POU2F1: variants seen among roughly 807,000 people sequenced by gnomAD.
The protein encoded by POU2F1 is POU domain, class 2, transcription factor 1.
Under a neutral mutation model 84.9 loss-of-function variants are expected in POU2F1, and 16 were observed. The observed-to-expected ratio is 0.19, with a 90% confidence interval of 0.13 to 0.29. The LOEUF is 0.29. POU2F1 is among the 10% of genes least tolerant of loss of function. The pLI is 1.00. For missense variants in POU2F1, 738 were observed against 942.6 expected, an observed-to-expected ratio of 0.78 and a Z score of 2.84; for synonymous variants, 368 against 368.3, an observed-to-expected ratio of 1.00 and a Z score of 0.01.
chr1:167,270,977 T>C (rs951219176), intron 1 of POU2F1, among the ~76,000 whole-genome samples: 1 of 152,232 alleles, frequency 6.6e-6, no homozygotes, highest in African/African-American at 2.4e-5. Flanking sequence ...CTTTATGAAA[T>C]GAATTATTTC....
In POU2F1 at chr1:167,221,158, G is replaced by A. The variant is rs1023104493; in HGVS notation, c.61+200G>A. Among the ~76,000 whole-genome samples the A allele has an allele frequency of 8.6e-5, 13 of 151,658 alleles. No homozygotes were observed. In the East Asian group the frequency reaches 2.6e-3, roughly 30 times the overall value. Reference sequence around the variant, plus strand: ...GGCTCGGAGCGGCCAGGCGGAGGGGGAAGACAAGGGGCAAAGGGGGCTGCG... The same window carrying A: ...GGCTCGGAGCGGCCAGGCGGAGGGGAAAGACAAGGGGCAAAGGGGGCTGCG... On this transcript the variant is annotated intron_variant, in intron 1 of 15. Coordinates refer to ENST00000367866, the MANE Select transcript of POU2F1 (RefSeq NM_002697.4).
intron 1 of POU2F1, among the ~76,000 whole-genome samples, chr1:167,247,546 A>G (rs1406977786): frequency 6.6e-6 from 1 of 152,074 alleles, no homozygotes; most frequent in Non-Finnish European, 1.5e-5. Flanking sequence ...CTTGAGTTTC[A>G]GTTTTGAGCT....
At chr1:167,266,066 C>T (rs1651930385) in intron 1 of POU2F1, among the ~76,000 whole-genome samples, 1 of 152,228 alleles carries the variant, frequency 6.6e-6, no homozygotes, top group Non-Finnish European at 1.5e-5. Context: ...CACAGAAATC[C>T]AGTTGAAAGC....
chr1:167,369,306 G>A (rs1262147650), intron 3 of POU2F1, among the ~76,000 whole-genome samples: 1 of 152,076 alleles, frequency 6.6e-6, no homozygotes, highest in Non-Finnish European at 1.5e-5. Flanking sequence ...CTCCTTCCTG[G>A]TGACTCTTGT....
At chr1:167,398,173 G>C (rs1364560196) in intron 11 of POU2F1, 40 bp downstream of exon 11, 1 of 1,601,720 alleles carries the variant, frequency 6.2e-7, no homozygotes. Flanking sequence ...GGGATTGTCT[G>C]TGTAGTACTT....
At chr1:167,254,291 G>A (rs917941885) in intron 1 of POU2F1, among the ~76,000 whole-genome samples, 6 of 152,066 alleles carry the variant, frequency 3.9e-5, no homozygotes, top group Admixed American at 1.3e-4. Context: ...ATGTAGGTTC[G>A]ATCAATGTTA....
In POU2F1 at chr1:167,419,341, T is replaced by A. The variant is rs1364952321; in HGVS notation, c.*3531T>A. 1 of 152,194 alleles carries A rather than the reference T, an allele frequency of 6.6e-6. No individual in the cohort carries two copies. Among genetic ancestry groups the A allele is most frequent in the Non-Finnish European group, 1.5e-5 (1 of 68,034 alleles). The allele number at this position is 152,194 out of a possible 1,614,324, so 9.4% of individuals were successfully genotyped here. A position where few individuals can be genotyped will look rare whatever the true frequency, so the allele number is the denominator to read the frequency against. The stretch of plus-strand genomic sequence containing the variant: ...TATTATTCTTTTTTTTTCCCCTTAA[T>A]GTTTATGCAAATTTTATTTTATATT... On this transcript the variant is annotated 3_prime_UTR_variant, in exon 16 of 16. Transcript: ENST00000367866.
chr1:167,367,135 T>C (rs1211828860), intron 3 of POU2F1, among the ~76,000 whole-genome samples: 2 of 152,140 alleles, frequency 1.3e-5, no homozygotes, highest in Non-Finnish European at 2.9e-5. Flanking sequence ...GCGACACCAT[T>C]GAATCTCCCA....
Position 167,416,031 on chromosome 1 carries a change from A to G in POU2F1, c.*221A>G. On this transcript the variant is annotated 3_prime_UTR_variant, in exon 16 of 16. Coordinates refer to ENST00000367866, the MANE Select transcript of POU2F1 (RefSeq NM_002697.4). ...CGGAACATTTGCCTAATTTTGTAATAAAACACTGTCTTTTCAGGATTGCTT... is the reference window on the plus strand; with the variant it reads ...CGGAACATTTGCCTAATTTTGTAATGAAACACTGTCTTTTCAGGATTGCTT... 1.5e-6 allele frequency: 1 copy of G among 660,362 alleles called. No individual in the cohort carries two copies. Among genetic ancestry groups the G allele is most frequent in the Admixed American group, 2.9e-5 (1 of 34,304 alleles). 40.9% of individuals were successfully genotyped at this position (660,362 alleles called of 1,614,324 possible). A position where few individuals can be genotyped will look rare whatever the true frequency, so the allele number is the denominator to read the frequency against.
At chr1:167,308,990 A>AT (rs533221144) in intron 1 of POU2F1, among the ~76,000 whole-genome samples, 34 of 150,788 alleles carry the variant, frequency 2.3e-4, no homozygotes, top group Non-Finnish European at 3.1e-4. Context: ...TAATTCATTC[A>AT]TTTTTTTTTC....
Position 167,336,764 on chromosome 1 carries a change from C to T in POU2F1, c.127+4229C>T, listed in dbSNP as rs563805097. 2.1e-4 allele frequency among the ~76,000 whole-genome samples: 32 copies of T among 152,310 alleles called. No individual in the cohort carries two copies. The South Asian group carries it at 5.8e-3, about 28-fold the overall frequency. On this transcript the variant is annotated intron_variant, in intron 2 of 15. Transcript: ENST00000367866. The stretch of plus-strand genomic sequence containing the variant: ...AAAATACCGGCCTGGTGCAGTGGCT[C>T]ATGCCTGTAATCCCAGCACTTTGGG...
intron 1 of POU2F1, among the ~76,000 whole-genome samples, chr1:167,266,541 ATTG>A (rs1298872234): frequency 2.0e-5 from 3 of 152,008 alleles, no homozygotes; most frequent in East Asian, 3.9e-4. Flanking sequence ...TATTTAAAAG[ATTG>A]TTGTCTGGGA....
chr1:167,285,927 A>G (rs555474669), intron 1 of POU2F1, among the ~76,000 whole-genome samples: 1 of 152,308 alleles, frequency 6.6e-6, no homozygotes, highest in African/African-American at 2.4e-5. Flanking sequence ...CTGCAAGAAC[A>G]CAAGGAACAA....
chr1:167,248,252 G>A (rs1650481463), intron 1 of POU2F1, among the ~76,000 whole-genome samples: 1 of 152,238 alleles, frequency 6.6e-6, no homozygotes, highest in Non-Finnish European at 1.5e-5. Context: ...CAGCAAGTTA[G>A]TAGATGAACT....
In POU2F1 at chr1:167,426,446, A is replaced by G. The variant is rs1238474491; in HGVS notation, c.*10636A>G. The G allele has an allele frequency of 6.6e-6, 1 of 152,268 alleles. No individual in the cohort carries two copies. The highest frequency in any genetic ancestry group is 2.4e-5 in the African/African-American group (1 of 41,474). The allele number at this position is 152,268 out of a possible 1,614,324, so 9.4% of individuals were successfully genotyped here. On this transcript the variant is annotated 3_prime_UTR_variant, in exon 16 of 16. Transcript: ENST00000367866. ...AGAAAATGAAAAAAGTTCTGAGTGTACATAATATTCAATAATAATCTCCCA... is the reference window on the plus strand; with the variant it reads ...AGAAAATGAAAAAAGTTCTGAGTGTGCATAATATTCAATAATAATCTCCCA...
At chr1:167,408,128 A>C (rs1299604461) in intron 13 of POU2F1, among the ~76,000 whole-genome samples, 1 of 152,066 alleles carries the variant, frequency 6.6e-6, no homozygotes, top group Admixed American at 6.5e-5. Context: ...ACATGGAGAG[A>C]TATGTGACAT....
chr1:167,314,733 C>T (rs1452995608), intron 1 of POU2F1, among the ~76,000 whole-genome samples: 1 of 152,148 alleles, frequency 6.6e-6, no homozygotes, highest in East Asian at 1.9e-4. Flanking sequence ...GTGATCACAC[C>T]ACTGAACTCC....
intron 3 of POU2F1, 141 bp from the exon 4 acceptor site, chr1:167,370,020 A>G: frequency 1.7e-6 from 1 of 601,470 alleles, no homozygotes; most frequent in Non-Finnish European, 2.6e-6. Flanking sequence ...GCTTGTTCAT[A>G]AAGTTTTAAC....
rs1650551048 is a variant in POU2F1 at position 167,420,088 on chromosome 1, C to G, written c.*4278C>G. The G allele has an allele frequency of 2.0e-5, 3 of 152,028 alleles. No individual in the cohort carries two copies. In the South Asian group the frequency reaches 6.2e-4, roughly 32 times the overall value. 9.4% of individuals were successfully genotyped at this position (152,028 alleles called of 1,614,324 possible). ...TGCTTGACACAATATTTAAATTCAG[C>G]CCAATCTTTAACATTAAAAAATTTT... is the stretch of plus-strand genomic sequence containing the variant. On this transcript the variant is annotated 3_prime_UTR_variant, in exon 16 of 16. Transcript: ENST00000367866.
Sources: allele counts gnomAD v4.1 joint callset (sites outside exome capture counted in the v4.1 genomes callset), GRCh38; gene constraint gnomAD v4.1.1; transcripts MANE v1.5; gene names NCBI Gene and HGNC (gene_info 2026-07-23, HGNC 2026-07-21).